ENPP1: variants seen among roughly 807,000 people sequenced by gnomAD.
ENPP1 encodes the protein ectonucleotide pyrophosphatase/phosphodiesterase 1, also known as ectonucleotide pyrophosphatase/phosphodiesterase family member 1.
ENPP1 carries 73 observed loss-of-function variants against 122.8 expected under a neutral mutation model. That is an observed-to-expected ratio of 0.59 (90% CI 0.49 to 0.72). The LOEUF (loss-of-function observed/expected upper bound fraction) is 0.72, where lower values mean the gene tolerates loss of function less well. ENPP1 is among the 30% of genes least tolerant of loss of function. ENPP1 has a pLI of 0.00. For synonymous variants in ENPP1, 367 were observed against 391.6 expected (o/e 0.94, Z 0.74); for missense variants, 978 against 1,128.1 (o/e 0.87, Z 1.91).
rs142631627 is a variant in ENPP1, at chr6:131,865,206, C to T, written c.1164+268C>T. 3.2e-4 allele frequency among the ~76,000 whole-genome samples: 48 copies of T among 152,286 alleles called. No individual in the cohort carries two copies. The East Asian group carries it at 5.8e-3, about 18-fold the overall frequency. ...ATTTGAAAGCCTTTATCCACTCCATCGCCCCTTACCTTGGCCTAAATACTA... is the reference window on the plus strand; with the variant it reads ...ATTTGAAAGCCTTTATCCACTCCATTGCCCCTTACCTTGGCCTAAATACTA... On this transcript the variant is annotated intron_variant, in intron 11 of 24. Coordinates refer to ENST00000647893, the MANE Select transcript of ENPP1 (RefSeq NM_006208.3).
At chr6:131,869,767 A>G (rs1358551895) in intron 13 of ENPP1, among the ~76,000 whole-genome samples, 2 of 151,736 alleles carry the variant, frequency 1.3e-5, no homozygotes, top group Non-Finnish European at 2.9e-5. Context: ...GAGGTACAAG[A>G]ATCGCTTGAA....
intron 1 of ENPP1, among the ~76,000 whole-genome samples, chr6:131,824,413 A>C (rs555814001): frequency 6.6e-6 from 1 of 151,920 alleles, no homozygotes; most frequent in Non-Finnish European, 1.5e-5. Flanking sequence ...TGAGGTGGGA[A>C]ATGTTGCCAG....
At chr6:131,850,210 T>C (rs1781863889) in intron 3 of ENPP1, 104 bp downstream of exon 3, 1 of 879,252 alleles carries the variant, frequency 1.1e-6, no homozygotes, top group Admixed American at 1.7e-5. Context: ...ATTTGAATTT[T>C]TTTTAGTTTA....
At chr6:131,829,973 G>T (rs747838566) in intron 1 of ENPP1, among the ~76,000 whole-genome samples, 1 of 152,148 alleles carries the variant, frequency 6.6e-6, no homozygotes, top group African/African-American at 2.4e-5. Flanking sequence ...AAGTGTAGTA[G>T]TCAAAGTTAC....
chr6:131,815,603 T>C (rs190588614), intron 1 of ENPP1, among the ~76,000 whole-genome samples: 1 of 152,202 alleles, frequency 6.6e-6, no homozygotes, highest in East Asian at 1.9e-4. Flanking sequence ...CTGAAGAAAA[T>C]CCTTGGTGGT....
intron 20 of ENPP1, among the ~76,000 whole-genome samples, chr6:131,881,446 T>G (rs1782304473): frequency 6.6e-6 from 1 of 152,208 alleles, no homozygotes; most frequent in South Asian, 2.1e-4. Context: ...GTAATTAAAA[T>G]GCATAACTTT....
At chr6:131,852,136 G>A (rs1761032381) in intron 4 of ENPP1, 39 bp from the exon 5 acceptor site, 1 of 1,283,694 alleles carries the variant, frequency 7.8e-7, no homozygotes, top group South Asian at 1.2e-5. Context: ...TATTATTACT[G>A]TTAAGTGTGT....
chr6:131,886,844 A>G lies in ENPP1; in HGVS notation c.2607+120A>G, dbSNP rs1287057953. On this transcript the variant is annotated intron_variant, in intron 24 of 24. Coordinates refer to ENST00000647893, the MANE Select transcript of ENPP1 (RefSeq NM_006208.3). ...CACAACTGAGTACACATGGACTTCGAAATTATAGGATGCTTTTAAATTTGA... is the reference window on the plus strand; with the variant it reads ...CACAACTGAGTACACATGGACTTCGGAATTATAGGATGCTTTTAAATTTGA... 5 of 701,294 alleles carry G rather than the reference A, an allele frequency of 7.1e-6. No homozygotes were observed. In the East Asian group the frequency reaches 1.1e-4, roughly 16 times the overall value. The allele number at this position is 701,294 out of a possible 1,614,324, so 43.4% of individuals were successfully genotyped here.
intron 18 of ENPP1, 160 bp downstream of exon 18, chr6:131,877,321 T>G (rs1270514595): frequency 4.1e-6 from 3 of 729,588 alleles, no homozygotes; most frequent in Non-Finnish European, 7.0e-6. Flanking sequence ...TCTTTTGTGA[T>G]ATATCTTTTC....
intron 1 of ENPP1, among the ~76,000 whole-genome samples, chr6:131,837,284 G>C (rs1781686776): frequency 6.6e-6 from 1 of 151,644 alleles, no homozygotes; most frequent in African/African-American, 2.4e-5. Flanking sequence ...CCAGCACTTT[G>C]GGAGGCCAAG....
At chr6:131,814,045 T>G (rs1166132147) in intron 1 of ENPP1, among the ~76,000 whole-genome samples, 1 of 152,214 alleles carries the variant, frequency 6.6e-6, no homozygotes, top group Non-Finnish European at 1.5e-5. Flanking sequence ...CTTTGCCAAT[T>G]AACTTTTCAT....
intron 1 of ENPP1, among the ~76,000 whole-genome samples, chr6:131,822,817 A>G (rs529136579): frequency 2.6e-5 from 4 of 152,166 alleles, no homozygotes; most frequent in East Asian, 1.9e-4. Flanking sequence ...TTTTTGGTAC[A>G]TGTTTGTTTT....
Position 131,808,284 on chromosome 6 carries a change from G to A in ENPP1, c.240+9G>A. 6.7e-7 allele frequency: 1 copy of A among 1,489,976 alleles called. No homozygotes were observed. The highest frequency in any genetic ancestry group is 9.0e-7 in the Non-Finnish European group (1 of 1,115,996). The allele number at this position is 1,489,976 out of a possible 1,614,324, so 92.3% of individuals were successfully genotyped here. ...ATAAAGTACTCTCGCTGGTAGGTCC[G>A]CGGCCAGGCCCCGGCGCCCGGGAGG... On this transcript the variant is annotated intron_variant, in intron 1 of 24. Transcript: ENST00000647893.
intron 1 of ENPP1, among the ~76,000 whole-genome samples, chr6:131,809,830 G>C (rs1781326163): frequency 6.6e-6 from 1 of 152,188 alleles, no homozygotes; most frequent in African/African-American, 2.4e-5. Flanking sequence ...CAAAGGTCTA[G>C]TTTTGGAATA....
chr6:131,827,297 C>T, intron 1 of ENPP1: 1 of 1,348,714 alleles, frequency 7.4e-7, no homozygotes, highest in Non-Finnish European at 1.1e-6. Context: ...AAGGATCATA[C>T]TGATTAGCCA....
Position 131,853,241 on chromosome 6 carries a change from A to G in ENPP1, c.617+1006A>G, listed in dbSNP as rs147378523. 2.7e-4 allele frequency among the ~76,000 whole-genome samples: 41 copies of G among 152,316 alleles called. No individual in the cohort carries two copies. In the East Asian group the frequency reaches 7.9e-3, roughly 29 times the overall value. ...CAGCAGCCAAAACTAAACCTCAACC[A>G]AATAATTTCAACAGAAGAGCCTTTT... On this transcript the variant is annotated intron_variant, in intron 5 of 24. Transcript: ENST00000647893.
Position 131,852,795 on chromosome 6 carries a change from C to CT in ENPP1, c.617+571dup, listed in dbSNP as rs936703485. Reference sequence around the variant, plus strand: ...GCTAAACTTGTAGAAAATTTAGCTTCTTTTTTTTTTTGTATTTTGGTCCAT... The same window carrying CT: ...GCTAAACTTGTAGAAAATTTAGCTTCTTTTTTTTTTTTGTATTTTGGTCCAT... On this transcript the variant is annotated intron_variant, in intron 5 of 24. Coordinates refer to ENST00000647893, the MANE Select transcript of ENPP1 (RefSeq NM_006208.3). Among the ~76,000 whole-genome samples, 617 of 142,138 alleles carry CT rather than the reference C, an allele frequency of 4.3e-3. 1 individual carries two copies. The highest frequency in any genetic ancestry group is 0.012 in the African/African-American group (469 of 38,998). The allele number at this position is 142,138 out of a possible 152,430, so 93.2% of individuals were successfully genotyped here. A position where few individuals can be genotyped will look rare whatever the true frequency, so the allele number is the denominator to read the frequency against.
chr6:131,846,120 G>A (rs1348645755), intron 1 of ENPP1, among the ~76,000 whole-genome samples: 2 of 152,134 alleles, frequency 1.3e-5, no homozygotes, highest in East Asian at 3.9e-4. Flanking sequence ...GGTCATGTCT[G>A]TTTTATTACT....
At chr6:131,870,904 C>T (rs1277421329) in intron 13 of ENPP1, among the ~76,000 whole-genome samples, 1 of 152,052 alleles carries the variant, frequency 6.6e-6, no homozygotes, top group Non-Finnish European at 1.5e-5. Context: ...TGGTGAAACC[C>T]GTCTCTATGA....
Sources: allele counts gnomAD v4.1 joint callset (sites outside exome capture counted in the v4.1 genomes callset), GRCh38; gene constraint gnomAD v4.1.1; transcripts MANE v1.5; gene names NCBI Gene and HGNC (gene_info 2026-07-23, HGNC 2026-07-21).